The following PLCB4 variants were observed in gnomAD, a reference collection of about 807,000 sequenced individuals.
PLCB4 encodes 1-phosphatidylinositol 4,5-bisphosphate phosphodiesterase beta-4.
PLCB4 carries 77 observed loss-of-function variants against 178.8 expected under a neutral mutation model. The ratio of observed to expected loss-of-function variants is 0.43; its 90% confidence interval spans 0.36 to 0.52. The LOEUF is 0.52. Among genes scored for constraint, PLCB4 ranks in the 20% least tolerant of loss-of-function variants. PLCB4 has a pLI of 0.00. For synonymous variants in PLCB4, 496 were observed against 490.8 expected (o/e 1.01, Z -0.14); for missense variants, 1,024 against 1,453.4 (o/e 0.70, Z 4.80).
At chr20:9,381,476 G>A (rs115253083) in intron 13 of PLCB4, among the ~76,000 whole-genome samples, 402 of 152,336 alleles carry the variant, frequency 2.6e-3, no homozygotes, top group African/African-American at 9.2e-3. Flanking sequence ...CCCCAGCCTT[G>A]AAGGCAGTTG....
chr20:9,423,684 C>T lies in PLCB4; in HGVS notation c.2320-64C>T, dbSNP rs945121390. ...AACAGCATGGATTTGGTCCACACTC[C>T]TTAGAGTCATGGTTCTTGGGCGCTG... On this transcript the variant is annotated intron_variant, in intron 27 of 39. Coordinates refer to ENST00000378473, the MANE Select transcript of PLCB4 (RefSeq NM_001377142.1). The T allele has an allele frequency of 8.5e-6, 11 of 1,291,568 alleles. No homozygotes were observed. The African/African-American group carries it at 1.3e-4, about 15-fold the overall frequency. 80.0% of individuals were successfully genotyped at this position (1,291,568 alleles called of 1,614,324 possible). A position where few individuals can be genotyped will look rare whatever the true frequency, so the allele number is the denominator to read the frequency against.
intron 21 of PLCB4, 149 bp downstream of exon 21, chr20:9,405,497 G>A: frequency 3.6e-6 from 2 of 556,642 alleles, no homozygotes; most frequent in Middle Eastern, 3.8e-4. Context: ...TTTTCTAAAA[G>A]TAGGTATTTA....
chr20:9,108,306 G>A (rs1410770903), intron 2 of PLCB4, among the ~76,000 whole-genome samples: 1 of 152,108 alleles, frequency 6.6e-6, no homozygotes, highest in Non-Finnish European at 1.5e-5. Flanking sequence ...AGACTCAGAG[G>A]ACTGAGTCTA....
intron 1 of PLCB4, among the ~76,000 whole-genome samples, chr20:9,070,822 C>A (rs6056381): frequency 0.075 from 11,457 of 152,198 alleles, 957 homozygotes; most frequent in East Asian, 0.31. Flanking sequence ...ACAGTTGGAA[C>A]TTAGTTTTGA....
chr20:9,324,156 T>C (rs115758274), intron 4 of PLCB4, among the ~76,000 whole-genome samples: 7,782 of 147,436 alleles, frequency 0.053, 662 homozygotes, highest in African/African-American at 0.19. Context: ...GCCTAGGTGA[T>C]AGAGTGAGGT....
intron 12 of PLCB4, among the ~76,000 whole-genome samples, chr20:9,378,354 T>C (rs2039799935): frequency 6.6e-6 from 1 of 152,192 alleles, no homozygotes; most frequent in Non-Finnish European, 1.5e-5. Flanking sequence ...TTTCATCCTT[T>C]ATCCATCTTC....
chr20:9,393,128 T>A (rs2038283203), intron 17 of PLCB4, among the ~76,000 whole-genome samples: 1 of 152,142 alleles, frequency 6.6e-6, no homozygotes, highest in Non-Finnish European at 1.5e-5. Context: ...ATCTCAAGTG[T>A]TGAGGGTTGG....
intron 2 of PLCB4, among the ~76,000 whole-genome samples, chr20:9,167,336 T>C (rs2092989543): frequency 6.6e-6 from 1 of 152,192 alleles, no homozygotes; most frequent in Non-Finnish European, 1.5e-5. Context: ...GCACAGATGA[T>C]GTTAAACTTT....
chr20:9,137,008 G>A (rs2092397737), intron 2 of PLCB4, among the ~76,000 whole-genome samples: 1 of 151,968 alleles, frequency 6.6e-6, no homozygotes, highest in African/African-American at 2.4e-5. Context: ...AGAGACTCCC[G>A]GGTCTCTTCT....
chr20:9,173,801 T>C (rs950562702), intron 2 of PLCB4, among the ~76,000 whole-genome samples: 3 of 152,158 alleles, frequency 2.0e-5, no homozygotes, highest in Non-Finnish European at 4.4e-5. Context: ...CAAAGCCCCC[T>C]TTGCTGTGTA....
intron 2 of PLCB4, among the ~76,000 whole-genome samples, chr20:9,189,776 A>G (rs2093376782): frequency 1.3e-5 from 2 of 152,160 alleles, no homozygotes; most frequent in Non-Finnish European, 2.9e-5. Context: ...ATATGGCAGA[A>G]GGTAGAAGGG....
At chr20:9,420,491 G>T (rs1295476990) in intron 26 of PLCB4, among the ~76,000 whole-genome samples, 1 of 151,966 alleles carries the variant, frequency 6.6e-6, no homozygotes, top group Admixed American at 6.6e-5. Flanking sequence ...GCCACACCTG[G>T]CTAATTTTTA....
chr20:9,154,231 A>G (rs2092742089), intron 2 of PLCB4, among the ~76,000 whole-genome samples: 1 of 152,044 alleles, frequency 6.6e-6, no homozygotes, highest in African/African-American at 2.4e-5. Flanking sequence ...TAAGTTCCAT[A>G]TAACACTTTA....
intron 27 of PLCB4, 120 bp from the exon 28 acceptor site, chr20:9,423,628 G>A (rs939064367): frequency 2.7e-6 from 2 of 746,712 alleles, no homozygotes; most frequent in African/African-American, 3.5e-5. Flanking sequence ...ATGGATCATG[G>A]ACTTACTTTC....
chr20:9,273,146 T>C (rs2094420578), intron 3 of PLCB4, among the ~76,000 whole-genome samples: 1 of 152,128 alleles, frequency 6.6e-6, no homozygotes, highest in African/African-American at 2.4e-5. Flanking sequence ...AGGATAATCA[T>C]AGACCTGCTT....
chr20:9,387,361 C>G (rs1602293551), intron 14 of PLCB4, 102 bp from the exon 15 acceptor site: 1 of 605,224 alleles, frequency 1.7e-6, no homozygotes, highest in Non-Finnish European at 2.9e-6. Flanking sequence ...ATTCAATTTT[C>G]TGTTCTGGAA....
intron 3 of PLCB4, among the ~76,000 whole-genome samples, chr20:9,243,790 T>C (rs1430043857): frequency 1.3e-5 from 2 of 152,150 alleles, no homozygotes; most frequent in African/African-American, 4.8e-5. Context: ...TCCTGCAACC[T>C]TTGGTTAGTT....
chr20:9,371,187 T>A, intron 9 of PLCB4, 27 bp from the exon 10 acceptor site: 1 of 1,353,774 alleles, frequency 7.4e-7, no homozygotes, highest in Non-Finnish European at 1.1e-6. Context: ...ATAACTGGAA[T>A]GTGTGTTTCT....
chr20:9,269,874 G>T (rs1288734636), intron 3 of PLCB4, among the ~76,000 whole-genome samples: 1 of 152,110 alleles, frequency 6.6e-6, no homozygotes, highest in Non-Finnish European at 1.5e-5. Context: ...CTGTCAAATT[G>T]TGATTGCCAG....
Sources: gnomAD v4.1 joint callset for allele counts (sites outside exome capture counted in the v4.1 genomes callset) on GRCh38, gnomAD v4.1.1 for gene constraint, MANE v1.5 for transcripts, NCBI Gene and HGNC (gene_info 2026-07-23, HGNC 2026-07-21) for gene names.